The following TIAM1 variants were observed in gnomAD, a reference collection of about 807,000 sequenced individuals.
TIAM1 encodes the protein TIAM Rac1 associated GEF 1, also known as rho guanine nucleotide exchange factor TIAM1.
TIAM1 carries 65 observed loss-of-function variants against 163.5 expected under a neutral mutation model. That is an observed-to-expected ratio of 0.40 (90% confidence interval 0.33 to 0.49). The LOEUF is 0.49. Ranked by LOEUF, TIAM1 falls within the 20% of genes least tolerant of loss-of-function variation. The pLI is 0.77. For missense variants in TIAM1, 1,789 were observed against 2,044.7 expected (o/e 0.87, Z 2.41); for synonymous variants, 833 against 810.1 (o/e 1.03, Z -0.48).
At chr21:31,221,348 C>T (rs2087545597) in intron 8 of TIAM1, among the ~76,000 whole-genome samples, 1 of 152,108 alleles carries the variant, frequency 6.6e-6, no homozygotes, top group South Asian at 2.1e-4. Context: ...GAGCAAAAAC[C>T]CAAGAAAGGA....
intron 25 of TIAM1, among the ~76,000 whole-genome samples, chr21:31,128,875 T>C (rs2082307073): frequency 1.3e-5 from 2 of 152,126 alleles, no homozygotes; most frequent in African/African-American, 4.8e-5. Flanking sequence ...GTGTGCAAAA[T>C]ATGGCAAGAG....
At chr21:31,437,396 G>A (rs2147292050) in intron 2 of TIAM1, among the ~76,000 whole-genome samples, 1 of 151,750 alleles carries the variant, frequency 6.6e-6, no homozygotes, top group East Asian at 1.9e-4. Flanking sequence ...CAGCTACTCA[G>A]TGGGGCTGAG....
chr21:31,175,663 A>T (rs892061549), intron 15 of TIAM1, among the ~76,000 whole-genome samples: 1 of 151,968 alleles, frequency 6.6e-6, no homozygotes, highest in Non-Finnish European at 1.5e-5. Context: ...CAATGGTACG[A>T]TCTTGGCTCA....
chr21:31,392,597 G>GAA, intron 2 of TIAM1, among the ~76,000 whole-genome samples: 1 of 138,610 alleles, frequency 7.2e-6, no homozygotes, highest in Non-Finnish European at 1.6e-5. Context: ...AAAAAAAGTC[G>GAA]AAAATGATCT....
intron 2 of TIAM1, among the ~76,000 whole-genome samples, chr21:31,438,138 T>A (rs972606616): frequency 6.7e-4 from 101 of 150,964 alleles, no homozygotes; most frequent in Non-Finnish European, 1.3e-3. Flanking sequence ...CGTGACCATG[T>A]TACTAGGCCA....
At chr21:31,232,833 T>G (rs2088514823) in intron 6 of TIAM1, among the ~76,000 whole-genome samples, 1 of 152,086 alleles carries the variant, frequency 6.6e-6, no homozygotes. Context: ...CACCTTCCAT[T>G]AAACAAACAG....
chr21:31,549,698 C>G (rs2048617971), intron 1 of TIAM1, among the ~76,000 whole-genome samples: 1 of 152,190 alleles, frequency 6.6e-6, no homozygotes, highest in African/African-American at 2.4e-5. Flanking sequence ...AAATTGGACT[C>G]TTTATGCACT....
At chr21:31,449,020 C>T (rs1280866177) in intron 2 of TIAM1, among the ~76,000 whole-genome samples, 3 of 152,082 alleles carry the variant, frequency 2.0e-5, no homozygotes, top group Non-Finnish European at 1.5e-5. Flanking sequence ...GGCTGGAGTG[C>T]CATGGTACCA....
intron 2 of TIAM1, among the ~76,000 whole-genome samples, chr21:31,457,125 T>C (rs1349999312): frequency 6.6e-6 from 1 of 152,202 alleles, no homozygotes; most frequent in African/African-American, 2.4e-5. Flanking sequence ...GAAAATTTCT[T>C]ATTAACAAAT....
intron 1 of TIAM1, among the ~76,000 whole-genome samples, chr21:31,549,069 T>C (rs1041805710): frequency 6.6e-6 from 1 of 152,222 alleles, no homozygotes; most frequent in Admixed American, 6.5e-5. Context: ...CCAAATCTCA[T>C]TGCAAATATT....
chr21:31,144,813 A>C (rs1367149986), intron 20 of TIAM1, among the ~76,000 whole-genome samples: 2 of 125,638 alleles, frequency 1.6e-5, no homozygotes, highest in African/African-American at 3.0e-5. Context: ...TGGGTGACAG[A>C]GTGAGACTCC....
chr21:31,233,883 T>C (rs1333340295), intron 6 of TIAM1, among the ~76,000 whole-genome samples: 1 of 152,192 alleles, frequency 6.6e-6, no homozygotes, highest in Non-Finnish European at 1.5e-5. Context: ...GGCGAACAGA[T>C]GGCAGCCTGC....
intron 3 of TIAM1, among the ~76,000 whole-genome samples, chr21:31,270,968 C>G (rs972083920): frequency 6.6e-6 from 1 of 152,176 alleles, no homozygotes; most frequent in Non-Finnish European, 1.5e-5. Context: ...GTCAAGGAGG[C>G]CTTTCCTGAC....
chr21:31,477,168 G>A (rs1433151520), intron 1 of TIAM1, among the ~76,000 whole-genome samples: 2 of 152,146 alleles, frequency 1.3e-5, no homozygotes, highest in East Asian at 1.9e-4. Context: ...CAATTCATAT[G>A]GGTCAACCTA....
chr21:31,241,303 C>T (rs529101874), intron 6 of TIAM1, among the ~76,000 whole-genome samples: 18 of 152,232 alleles, frequency 1.2e-4, no homozygotes, highest in East Asian at 3.9e-4. Context: ...CTAAGCTCAC[C>T]CTATGACTGA....
rs552459916 is a variant in TIAM1 at position 31,122,371 on chromosome 21, TCAC to T, written c.4307-1537_4307-1535del. Among the ~76,000 whole-genome samples, 550 of 152,328 alleles carry T rather than the reference TCAC, an allele frequency of 3.6e-3. 5 individuals are homozygous for T. The highest frequency in any genetic ancestry group is 0.012 in the African/African-American group (516 of 41,574). On this transcript the variant is annotated intron_variant, in intron 27 of 27. Coordinates refer to ENST00000541036, the MANE Select transcript of TIAM1 (RefSeq NM_001353694.2). ...CAAAATACAGCATCCCTCTCTCCAA[TCAC>T]CACATTAGAACTACCCCAACTCAAA...
chr21:31,322,008 G>A (rs578015965), intron 2 of TIAM1, among the ~76,000 whole-genome samples: 7 of 152,056 alleles, frequency 4.6e-5, no homozygotes, highest in African/African-American at 7.2e-5. Context: ...AGCCAAGATC[G>A]TGCCACCTGC....
chr21:31,233,272 A>G (rs1282011263), intron 6 of TIAM1, among the ~76,000 whole-genome samples: 3 of 152,268 alleles, frequency 2.0e-5, no homozygotes, highest in Non-Finnish European at 4.4e-5. Flanking sequence ...AAGAAAAAAA[A>G]AGAAAGTTAC....
Position 31,381,771 on chromosome 21 carries a change from G to T in TIAM1, c.-368-42349C>A, listed in dbSNP as rs546895988. ...CACCTGAGGCTGGGAGGTCGAGGCT[G>T]CAGTGAGCCATGATCACACCATTGC... On this transcript the variant is annotated intron_variant, in intron 2 of 28. Transcript: ENST00000286827. Among the ~76,000 whole-genome samples the T allele has an allele frequency of 2.4e-4, 36 of 152,294 alleles. 1 individual carries two copies. Among genetic ancestry groups the T allele is most frequent in the Non-Finnish European group, 1.8e-4 (12 of 68,032 alleles).
Sources: allele counts gnomAD v4.1 joint callset (sites outside exome capture counted in the v4.1 genomes callset), GRCh38; gene constraint gnomAD v4.1.1; transcripts MANE v1.5; gene names NCBI Gene and HGNC (gene_info 2026-07-23, HGNC 2026-07-21).